NRXN3: variants seen among roughly 807,000 people sequenced by gnomAD.
NRXN3 encodes neurexin III.
NRXN3 carries 32 observed loss-of-function variants against 137.6 expected under a neutral mutation model. The ratio of observed to expected loss-of-function variants is 0.23; its 90% CI spans 0.18 to 0.31. The LOEUF is 0.31. NRXN3 is among the 10% of genes least tolerant of loss of function. The pLI, the probability that NRXN3 is intolerant of heterozygous loss-of-function variation, is 1.00. For synonymous variants in NRXN3, 798 were observed against 784.5 expected (o/e 1.02, Z -0.29); for missense variants, 1,574 against 2,062.5 (o/e 0.76, Z 4.59).
At chr14:79,760,272 A>G (rs569929836) in intron 19 of NRXN3, among the ~76,000 whole-genome samples, 2 of 151,816 alleles carry the variant, frequency 1.3e-5, no homozygotes, top group Admixed American at 1.3e-4. Context: ...GTCTGAGAAC[A>G]TTTATCTTTA....
chr14:78,197,216 G>A (rs1016786388), intron 1 of NRXN3, among the ~76,000 whole-genome samples: 3 of 152,162 alleles, frequency 2.0e-5, no homozygotes, highest in Non-Finnish European at 4.4e-5. Context: ...CAGACTCTTC[G>A]CTCAGTGGCG....
intron 2 of NRXN3, among the ~76,000 whole-genome samples, chr14:78,275,723 G>GACT (rs2073478300): frequency 1.3e-5 from 2 of 152,132 alleles, no homozygotes; most frequent in South Asian, 4.1e-4. Context: ...TGAGTCACAT[G>GACT]ACTACTACCC....
chr14:79,128,375 T>C (rs1434605287), intron 15 of NRXN3, among the ~76,000 whole-genome samples: 2 of 148,576 alleles, frequency 1.3e-5, no homozygotes, highest in African/African-American at 5.0e-5. Context: ...TATTGAGAGT[T>C]TTTAGCATGA....
At chr14:78,988,910 C>G (rs1018663164) in intron 15 of NRXN3, among the ~76,000 whole-genome samples, 2 of 152,078 alleles carry the variant, frequency 1.3e-5, no homozygotes, top group African/African-American at 4.8e-5. Context: ...ATGCTTCTGG[C>G]TCGTGGGTTT....
intron 15 of NRXN3, among the ~76,000 whole-genome samples, chr14:79,124,880 G>GT (rs149742513): frequency 0.063 from 9,502 of 151,048 alleles, 884 homozygotes; most frequent in African/African-American, 0.2. Context: ...TAAAATAGCT[G>GT]TTTTTTTTTC....
intron 19 of NRXN3, among the ~76,000 whole-genome samples, chr14:79,788,987 T>A (rs1033842358): frequency 1.3e-5 from 2 of 152,164 alleles, no homozygotes; most frequent in African/African-American, 4.8e-5. Context: ...GTTCAGAGAA[T>A]TGAAAACATT....
rs1408252956 is a variant in NRXN3, at chr14:79,646,847, A to G, written c.3445-16931A>G. Among the ~76,000 whole-genome samples the G allele has an allele frequency of 1.5e-5, 2 of 136,046 alleles. 1 individual carries two copies. The highest frequency in any genetic ancestry group is 3.4e-5 in the Non-Finnish European group (2 of 58,464). 89.3% of individuals were successfully genotyped at this position (136,046 alleles called of 152,430 possible). A position where few individuals can be genotyped will look rare whatever the true frequency, so the allele number is the denominator to read the frequency against. On this transcript the variant is annotated intron_variant, in intron 16 of 20. Transcript: ENST00000335750. The stretch of plus-strand genomic sequence containing the variant: ...CTTATTTAGTTGGTGGGATTGGATG[A>G]AGGATCTTCACATGTCTAGTGAGAC...
intron 6 of NRXN3, among the ~76,000 whole-genome samples, chr14:78,692,110 T>G (rs2098176900): frequency 6.6e-6 from 1 of 152,228 alleles, no homozygotes; most frequent in African/African-American, 2.4e-5. Context: ...TCCACTTGTC[T>G]TTAGTGTGAA....
At chr14:78,207,620 G>T (rs112389390) in intron 1 of NRXN3, among the ~76,000 whole-genome samples, 16 of 152,256 alleles carry the variant, frequency 1.1e-4, no homozygotes, top group Non-Finnish European at 2.4e-4. Context: ...CATTTCCTGC[G>T]TATCTGAGTG....
chr14:79,497,966 A>G (rs910555919), intron 16 of NRXN3, among the ~76,000 whole-genome samples: 2 of 152,130 alleles, frequency 1.3e-5, no homozygotes, highest in African/African-American at 4.8e-5. Flanking sequence ...CCCAGGATGC[A>G]GAGGTTGTGG....
chr14:78,288,413 C>G (rs146971446), intron 3 of NRXN3, among the ~76,000 whole-genome samples: 1 of 152,262 alleles, frequency 6.6e-6, no homozygotes, highest in African/African-American at 2.4e-5. Flanking sequence ...CAGTGGAAGT[C>G]TTTACTATTT....
intron 15 of NRXN3, among the ~76,000 whole-genome samples, chr14:79,017,644 C>T (rs1407273819): frequency 6.6e-6 from 1 of 152,112 alleles, no homozygotes; most frequent in Non-Finnish European, 1.5e-5. Flanking sequence ...GTCGGGTCAG[C>T]TTGCACATTC....
intron 15 of NRXN3, among the ~76,000 whole-genome samples, chr14:79,098,146 G>A (rs575142698): frequency 5.9e-5 from 9 of 152,194 alleles, no homozygotes; most frequent in Non-Finnish European, 8.8e-5. Flanking sequence ...GATTTAAAAT[G>A]CTTTATTATT....
intron 15 of NRXN3, among the ~76,000 whole-genome samples, chr14:79,391,932 C>A (rs2094859042): frequency 6.6e-6 from 1 of 152,128 alleles, no homozygotes; most frequent in Admixed American, 6.6e-5. Flanking sequence ...GTTCTATAGT[C>A]CCTCCTAGAG....
At chr14:79,832,436 G>A (rs1312094739) in intron 20 of NRXN3, among the ~76,000 whole-genome samples, 2 of 152,108 alleles carry the variant, frequency 1.3e-5, no homozygotes, top group African/African-American at 2.4e-5. Context: ...ACCCTGAGCC[G>A]GTGCCTTAAA....
At chr14:79,766,962 TG>T (rs2099058027) in intron 19 of NRXN3, among the ~76,000 whole-genome samples, 1 of 152,142 alleles carries the variant, frequency 6.6e-6, no homozygotes, top group Admixed American at 6.5e-5. Context: ...TACCAGGAAG[TG>T]GTAGATGGCA....
chr14:79,522,488 A>G (rs1235471839), intron 16 of NRXN3, among the ~76,000 whole-genome samples: 1 of 152,186 alleles, frequency 6.6e-6, no homozygotes. Flanking sequence ...TGCTAGGGCC[A>G]TATTTCTAAC....
At chr14:78,676,565 T>C (rs1301598656) in intron 6 of NRXN3, among the ~76,000 whole-genome samples, 1 of 152,090 alleles carries the variant, frequency 6.6e-6, no homozygotes, top group East Asian at 1.9e-4. Context: ...CTCCATAACA[T>C]AATAGTGCAA....
intron 16 of NRXN3, among the ~76,000 whole-genome samples, chr14:79,654,461 A>G (rs755711346): frequency 2.0e-5 from 3 of 152,142 alleles, no homozygotes; most frequent in Non-Finnish European, 4.4e-5. Context: ...TGTTGCAGCT[A>G]CTCATGTCTG....
Sources: gnomAD v4.1 joint callset for allele counts (sites outside exome capture counted in the v4.1 genomes callset) on GRCh38, gnomAD v4.1.1 for gene constraint, MANE v1.5 for transcripts, NCBI Gene and HGNC (gene_info 2026-07-23, HGNC 2026-07-21) for gene names.